Variants in HMBOX1 observed in about 807,000 individuals in gnomAD.
The protein encoded by HMBOX1 is homeobox containing 1.
In HMBOX1, 14 loss-of-function variants were observed where a neutral mutation model predicts 54.5. The observed-to-expected ratio is 0.26, with a 90% CI of 0.17 to 0.40. The LOEUF (loss-of-function observed/expected upper bound fraction) is 0.40. HMBOX1 is among the 10% of genes least tolerant of loss of function. The pLI, the probability that HMBOX1 is intolerant of heterozygous loss-of-function variation, is 1.00. For synonymous variants in HMBOX1, 160 were observed against 181.0 expected, an observed-to-expected ratio of 0.88 and a Z score of 0.93; for missense variants, 332 against 514.4, an observed-to-expected ratio of 0.65 and a Z score of 3.43.
chr8:28,891,147 G>C (rs944020112), intron 1 of HMBOX1: 3 of 153,038 alleles, frequency 2.0e-5, no homozygotes, highest in Admixed American at 6.5e-5. Context: ...CTCGCTCTGG[G>C]CCTGGGCTGA....
chr8:28,894,433 A>C (rs1811665971), intron 1 of HMBOX1, among the ~76,000 whole-genome samples: 6 of 152,128 alleles, frequency 3.9e-5, no homozygotes, highest in Admixed American at 3.9e-4. Context: ...CATGTTGTCC[A>C]CATTATAGAA....
At chr8:28,890,973 G>C (rs940881948) in intron 1 of HMBOX1, 1 of 152,592 alleles carries the variant, frequency 6.6e-6, no homozygotes, top group African/African-American at 2.4e-5. Context: ...AATCCTGGAG[G>C]TGGGGTCTCC....
At chr8:29,026,125 G>A (rs1801993881) in intron 6 of HMBOX1, among the ~76,000 whole-genome samples, 1 of 151,240 alleles carries the variant, frequency 6.6e-6, no homozygotes, top group Admixed American at 6.6e-5. Context: ...TCAATGATAT[G>A]TATATTTCCT....
chr8:29,007,032 T>G (rs1250471708), intron 4 of HMBOX1, among the ~76,000 whole-genome samples: 1 of 152,154 alleles, frequency 6.6e-6, no homozygotes, highest in East Asian at 1.9e-4. Context: ...CTCATGCCCA[T>G]AATCCTGGCA....
At chr8:29,039,127 A>C (rs548547282) in intron 6 of HMBOX1, among the ~76,000 whole-genome samples, 46 of 152,124 alleles carry the variant, frequency 3.0e-4, no homozygotes, top group Non-Finnish European at 5.9e-4. Flanking sequence ...AAACTAATAT[A>C]ATTTCTTTTA....
At chr8:29,024,475 G>T (rs956319833) in intron 6 of HMBOX1, among the ~76,000 whole-genome samples, 1 of 152,062 alleles carries the variant, frequency 6.6e-6, no homozygotes, top group Non-Finnish European at 1.5e-5. Flanking sequence ...AGATAATAGC[G>T]GTAGGAGTGT....
chr8:28,892,478 A>C (rs931043994), intron 1 of HMBOX1, among the ~76,000 whole-genome samples: 4 of 152,176 alleles, frequency 2.6e-5, no homozygotes, highest in African/African-American at 9.7e-5. Flanking sequence ...CGGATTTTTA[A>C]AGTAAAGAAA....
At chr8:28,941,971 A>G (rs1821508065) in intron 1 of HMBOX1, among the ~76,000 whole-genome samples, 1 of 152,204 alleles carries the variant, frequency 6.6e-6, no homozygotes. Flanking sequence ...AACAGAAACG[A>G]ATACTCTTTC....
chr8:28,978,721 A>G (rs1315068559), intron 3 of HMBOX1, among the ~76,000 whole-genome samples: 1 of 141,354 alleles, frequency 7.1e-6, no homozygotes, highest in Admixed American at 7.8e-5. Context: ...CGGTAGGTGG[A>G]GCTTGCAGTG....
chr8:28,906,344 C>G (rs1389221588), intron 1 of HMBOX1, among the ~76,000 whole-genome samples: 1 of 152,076 alleles, frequency 6.6e-6, no homozygotes, highest in Non-Finnish European at 1.5e-5. Context: ...AGCAGCATGC[C>G]TGAGTTAACT....
intron 5 of HMBOX1, chr8:29,009,758 A>G (rs1446271047): frequency 7.8e-7 from 1 of 1,281,416 alleles, no homozygotes; most frequent in South Asian, 1.3e-5. Context: ...GAAAACTAAG[A>G]TGACAAAAAA....
chr8:28,939,675 A>T (rs1199107916), intron 1 of HMBOX1, among the ~76,000 whole-genome samples: 1 of 151,594 alleles, frequency 6.6e-6, no homozygotes, highest in African/African-American at 2.4e-5. Flanking sequence ...ACGCCTGACT[A>T]ATTTTTGTGT....
chr8:28,964,656 T>A (rs1227780519), intron 2 of HMBOX1, among the ~76,000 whole-genome samples: 2 of 152,282 alleles, frequency 1.3e-5, no homozygotes, highest in East Asian at 3.9e-4. Flanking sequence ...GGTTGACAGT[T>A]CTATAATACA....
chr8:28,978,410 G>A (rs1208101776), intron 3 of HMBOX1, among the ~76,000 whole-genome samples: 1 of 152,288 alleles, frequency 6.6e-6, no homozygotes, highest in East Asian at 1.9e-4. Flanking sequence ...CAGATCAGGG[G>A]TCAGCAAACT....
intron 3 of HMBOX1, among the ~76,000 whole-genome samples, chr8:28,977,898 C>A (rs1486283819): frequency 6.6e-6 from 1 of 150,762 alleles, no homozygotes; most frequent in Non-Finnish European, 1.5e-5. Context: ...GAGCCAGTAT[C>A]GCGCTACTGC....
At chr8:29,041,976 G>A (rs1721601233) in intron 6 of HMBOX1, among the ~76,000 whole-genome samples, 1 of 152,098 alleles carries the variant, frequency 6.6e-6, no homozygotes, top group Admixed American at 6.6e-5. Flanking sequence ...TCACAATGAG[G>A]TGCACTGGCC....
intron 1 of HMBOX1, among the ~76,000 whole-genome samples, chr8:28,940,113 A>G (rs917709277): frequency 6.6e-6 from 1 of 152,080 alleles, no homozygotes; most frequent in Non-Finnish European, 1.5e-5. Flanking sequence ...GGTTCAAGCA[A>G]TTCTCCTGCC....
intron 5 of HMBOX1, among the ~76,000 whole-genome samples, chr8:29,010,448 C>G (rs988599813): frequency 2.0e-5 from 3 of 151,768 alleles, no homozygotes; most frequent in Non-Finnish European, 4.4e-5. Context: ...CCCAGCTACT[C>G]GGGAGGTTAA....
chr8:28,976,734 TCTCA>T (rs1278668039), intron 3 of HMBOX1, among the ~76,000 whole-genome samples: 2 of 147,730 alleles, frequency 1.4e-5, no homozygotes, highest in Non-Finnish European at 3.0e-5. Flanking sequence ...TGAGATGGAG[TCTCA>T]CTTTGTCACC....
Sources: gnomAD v4.1 joint callset for allele counts (sites outside exome capture counted in the v4.1 genomes callset) on GRCh38, gnomAD v4.1.1 for gene constraint, MANE v1.5 for transcripts, NCBI Gene and HGNC (gene_info 2026-07-23, HGNC 2026-07-21) for gene names.